NBEA: variants seen among roughly 807,000 people sequenced by gnomAD.
NBEA encodes the protein lysosomal-trafficking regulator 2.
NBEA carries 44 observed loss-of-function variants against 343.4 expected under a neutral mutation model. The ratio of observed to expected loss-of-function variants is 0.13; its 90% CI spans 0.10 to 0.16. The LOEUF is 0.16. Among genes scored for constraint, NBEA ranks in the 10% least tolerant of loss-of-function variants. The pLI, the probability that NBEA is intolerant of heterozygous loss-of-function variation, is 1.00. For missense variants in NBEA, 2,555 were observed against 3,631.3 expected, an observed-to-expected ratio of 0.70 and a Z score of 7.62; for synonymous variants, 1,175 against 1,238.7, an observed-to-expected ratio of 0.95 and a Z score of 1.08.
chr13:35,096,857 T>A (rs888153171), intron 10 of NBEA, among the ~76,000 whole-genome samples: 1 of 151,936 alleles, frequency 6.6e-6, no homozygotes, highest in Non-Finnish European at 1.5e-5. Flanking sequence ...ACAGAAACAT[T>A]TTTTTAAATC....
At chr13:35,448,954 T>G (rs2046173107) in intron 39 of NBEA, among the ~76,000 whole-genome samples, 1 of 152,066 alleles carries the variant, frequency 6.6e-6, no homozygotes, top group South Asian at 2.1e-4. Flanking sequence ...CTGAAGGAAG[T>G]GAGTTTTTAA....
At chr13:35,477,610 C>T (rs1168825021) in intron 41 of NBEA, among the ~76,000 whole-genome samples, 1 of 152,152 alleles carries the variant, frequency 6.6e-6, no homozygotes, top group Non-Finnish European at 1.5e-5. Flanking sequence ...AGATAACTAT[C>T]CCGAAAAATT....
chr13:35,259,127 G>A (rs1189136401), intron 34 of NBEA, among the ~76,000 whole-genome samples: 1 of 152,090 alleles, frequency 6.6e-6, no homozygotes, highest in Non-Finnish European at 1.5e-5. Flanking sequence ...TTAATAAATG[G>A]TTATGGGAAG....
chr13:35,460,660 A>T (rs1294559755), intron 40 of NBEA, among the ~76,000 whole-genome samples: 1 of 152,190 alleles, frequency 6.6e-6, no homozygotes, highest in South Asian at 2.1e-4. Context: ...TCCATCATCT[A>T]TGAAACACTA....
intron 45 of NBEA, among the ~76,000 whole-genome samples, chr13:35,579,210 T>C (rs1195230402): frequency 1.3e-5 from 2 of 152,152 alleles, no homozygotes; most frequent in Non-Finnish European, 2.9e-5. Flanking sequence ...GACAAACTTT[T>C]TTTTCTTGAA....
chr13:35,064,889 C>A lies in NBEA; in HGVS notation c.1240-5019C>A, dbSNP rs1256135342. 4.6e-5 allele frequency among the ~76,000 whole-genome samples: 7 copies of A among 151,536 alleles called. No individual in the cohort carries two copies. In the East Asian group the frequency reaches 1.4e-3, roughly 29 times the overall value. Reference sequence around the variant, plus strand: ...ACCCATATGTCAGATTTACAGCCTCCAGAACTATGAGAAATTAAACTTCTT... The same window carrying A: ...ACCCATATGTCAGATTTACAGCCTCAAGAACTATGAGAAATTAAACTTCTT... On this transcript the variant is annotated intron_variant, in intron 8 of 58. Coordinates refer to ENST00000379939, the MANE Select transcript of NBEA (RefSeq NM_001385012.1).
intron 1 of NBEA, among the ~76,000 whole-genome samples, chr13:34,977,892 T>C (rs1244625047): frequency 6.6e-6 from 1 of 152,216 alleles, no homozygotes; most frequent in African/African-American, 2.4e-5. Flanking sequence ...CACAGTTTAC[T>C]GTAGCCTCAA....
chr13:35,266,870 C>T (rs375996973), intron 34 of NBEA, among the ~76,000 whole-genome samples: 47 of 151,994 alleles, frequency 3.1e-4, no homozygotes, highest in African/African-American at 1.0e-3. Context: ...TATAACTTTT[C>T]AACTCCCCAA....
At chr13:35,560,414 A>C (rs1465370144) in intron 44 of NBEA, among the ~76,000 whole-genome samples, 82 of 152,304 alleles carry the variant, frequency 5.4e-4, no homozygotes, top group Non-Finnish European at 7.3e-5. Context: ...ACTTTTGTAG[A>C]TACTGATATT....
intron 1 of NBEA, among the ~76,000 whole-genome samples, chr13:34,981,378 A>G (rs1316864390): frequency 1.3e-5 from 2 of 152,194 alleles, no homozygotes; most frequent in African/African-American, 2.4e-5. Flanking sequence ...TCATATGGAT[A>G]TATATTTTCA....
intron 36 of NBEA, among the ~76,000 whole-genome samples, chr13:35,344,447 G>A (rs1178880656): frequency 1.3e-5 from 2 of 151,770 alleles, no homozygotes; most frequent in Admixed American, 1.3e-4. Context: ...AGAAAAATAA[G>A]ATACAGTGGA....
chr13:35,571,488 C>T (rs2080420802), intron 45 of NBEA, among the ~76,000 whole-genome samples: 1 of 152,122 alleles, frequency 6.6e-6, no homozygotes, highest in South Asian at 2.1e-4. Flanking sequence ...GTTTTCTCAT[C>T]TTTAAAATGA....
At chr13:35,614,672 A>G (rs7320580) in intron 48 of NBEA, among the ~76,000 whole-genome samples, 34,154 of 152,132 alleles carry the variant, frequency 0.22, 4,032 homozygotes, top group Non-Finnish European at 0.24. Flanking sequence ...TGACAAAACC[A>G]TCCTTAGTAA....
chr13:35,513,513 G>A (rs573595120), intron 41 of NBEA, among the ~76,000 whole-genome samples: 4 of 151,750 alleles, frequency 2.6e-5, no homozygotes, highest in East Asian at 3.9e-4. Context: ...AACACAGGAA[G>A]TTTAAATGAT....
At position 35,635,645 on chromosome 13, in the gene NBEA, T is replaced by G. The variant is rs190683682; in HGVS notation, c.7617+7397T>G. Among the ~76,000 whole-genome samples the G allele has an allele frequency of 4.6e-5, 7 of 152,298 alleles. No individual in the cohort carries two copies. In the East Asian group the frequency reaches 1.3e-3, roughly 29 times the overall value. On this transcript the variant is annotated intron_variant, in intron 49 of 58. Coordinates refer to ENST00000379939, the MANE Select transcript of NBEA (RefSeq NM_001385012.1). ...TTCCTAAAACTAATAAGGATATAGG[T>G]TCAAATATATTTGTTATGTGTTTCT...
chr13:35,503,867 C>T (rs899605642), intron 41 of NBEA, among the ~76,000 whole-genome samples: 4 of 152,034 alleles, frequency 2.6e-5, no homozygotes, highest in Admixed American at 6.6e-5. Context: ...ACTATTTCTT[C>T]GTGCTCTATA....
chr13:35,608,109 C>A (rs1436736574), intron 48 of NBEA, among the ~76,000 whole-genome samples: 1 of 152,032 alleles, frequency 6.6e-6, no homozygotes, highest in East Asian at 1.9e-4. Flanking sequence ...TTACTTTTAA[C>A]GTACTTTATT....
intron 54 of NBEA, 133 bp downstream of exon 54, chr13:35,655,143 G>A (rs1190762316): frequency 4.5e-6 from 3 of 672,392 alleles, no homozygotes; most frequent in Non-Finnish European, 6.7e-6. Context: ...CAAATTAAAT[G>A]TTCACATTGT....
chr13:35,188,884 C>T (rs1249723273), intron 30 of NBEA, among the ~76,000 whole-genome samples: 2 of 150,870 alleles, frequency 1.3e-5, no homozygotes, highest in African/African-American at 2.4e-5. Flanking sequence ...ACATCTTCTC[C>T]AACACCTATA....
Sources: gnomAD v4.1 joint callset for allele counts (sites outside exome capture counted in the v4.1 genomes callset) on GRCh38, gnomAD v4.1.1 for gene constraint, MANE v1.5 for transcripts, NCBI Gene and HGNC (gene_info 2026-07-23, HGNC 2026-07-21) for gene names.